The following CCDC6 variants were observed in gnomAD, a reference collection of about 807,000 sequenced individuals.
The protein encoded by CCDC6 is coiled-coil domain containing 6, also known as coiled-coil domain-containing protein 6.
Under a neutral mutation model 56.6 loss-of-function variants are expected in CCDC6, and 20 were observed. That is an observed-to-expected ratio of 0.35 (90% CI 0.25 to 0.51). The LOEUF (loss-of-function observed/expected upper bound fraction) is 0.51. CCDC6 is among the 20% of genes least tolerant of loss of function. The pLI is 0.95. For synonymous variants in CCDC6, 241 were observed against 234.4 expected, an observed-to-expected ratio of 1.03 and a Z score of -0.26; for missense variants, 367 against 601.1, an observed-to-expected ratio of 0.61 and a Z score of 4.07.
At position 59,822,177 on chromosome 10, in the gene CCDC6, C is replaced by T. The variant is rs187058690; in HGVS notation, c.583-7422G>A. Among the ~76,000 whole-genome samples the T allele has an allele frequency of 3.9e-4, 59 of 152,198 alleles. 1 individual carries two copies. Among genetic ancestry groups the T allele is most frequent in the African/African-American group, 1.4e-3 (58 of 41,532 alleles). The stretch of plus-strand genomic sequence containing the variant: ...CTTTTTTCTTCTAAAAAATTATGTT[C>T]CTGTAAGAATTAGATTTGTTCTTTG... On this transcript the variant is annotated intron_variant, in intron 3 of 8. Coordinates refer to ENST00000263102, the MANE Select transcript of CCDC6 (RefSeq NM_005436.5).
intron 1 of CCDC6, among the ~76,000 whole-genome samples, chr10:59,864,414 G>A (rs1343917464): frequency 2.0e-5 from 3 of 152,092 alleles, no homozygotes; most frequent in Non-Finnish European, 2.9e-5. Context: ...ACAAAACAAA[G>A]TTAGCACCTA....
chr10:59,841,025 C>T (rs1564746153), intron 2 of CCDC6, among the ~76,000 whole-genome samples: 1 of 152,148 alleles, frequency 6.6e-6, no homozygotes. Flanking sequence ...TGCTCAAAAC[C>T]CTGTGGTGGC....
chr10:59,818,500 G>GGGT (rs2070726199), intron 3 of CCDC6, among the ~76,000 whole-genome samples: 1 of 142,144 alleles, frequency 7.0e-6, no homozygotes, highest in South Asian at 2.6e-4. Flanking sequence ...GTTGACGGGG[G>GGGT]GGGGGGAAGC....
At chr10:59,850,129 C>T (rs776690803) in intron 2 of CCDC6, among the ~76,000 whole-genome samples, 3 of 152,164 alleles carry the variant, frequency 2.0e-5, no homozygotes, top group Non-Finnish European at 4.4e-5. Flanking sequence ...AGCTTCAGAA[C>T]TTGCCAGAGA....
chr10:59,835,585 T>C (rs1219178241), intron 2 of CCDC6, among the ~76,000 whole-genome samples: 1 of 152,212 alleles, frequency 6.6e-6, no homozygotes, highest in Non-Finnish European at 1.5e-5. Context: ...TCTAACTCTG[T>C]TTGCTAAAGA....
intron 1 of CCDC6, among the ~76,000 whole-genome samples, chr10:59,862,560 T>TAC (rs1194847309): frequency 3.5e-5 from 3 of 86,464 alleles, no homozygotes; most frequent in African/African-American, 1.4e-4. Flanking sequence ...CACACACATA[T>TAC]ATATACACAT....
At chr10:59,837,484 C>T (rs6479657) in intron 2 of CCDC6, among the ~76,000 whole-genome samples, 62,753 of 151,598 alleles carry the variant, frequency 0.41, 13,170 homozygotes, top group African/African-American at 0.49. Context: ...GTGGCTCAAG[C>T]CTGTAATCCC....
chr10:59,789,912 C>T lies in CCDC6; in HGVS notation c.*3005G>A. The T allele has an allele frequency of 4.6e-6, 1 of 217,326 alleles. No individual in the cohort carries two copies. 13.5% of individuals were successfully genotyped at this position (217,326 alleles called of 1,614,324 possible). ...ATTTCTGGTTGAATTCTGTTAGAAG[C>T]CAATTACAAAGGGACAGTAGCACTT... On this transcript the variant is annotated 3_prime_UTR_variant, in exon 9 of 9. Coordinates refer to ENST00000263102, the MANE Select transcript of CCDC6 (RefSeq NM_005436.5).
chr10:59,795,573 T>C (rs976052747), intron 7 of CCDC6, among the ~76,000 whole-genome samples: 4 of 151,656 alleles, frequency 2.6e-5, no homozygotes, highest in African/African-American at 4.8e-5. Context: ...GCTGCACCCA[T>C]TAACTCGTTA....
chr10:59,865,852 CAAAAAAA>C (rs777021321), intron 1 of CCDC6, among the ~76,000 whole-genome samples: 6 of 57,058 alleles, frequency 1.1e-4, no homozygotes, highest in Admixed American at 4.7e-4. Context: ...TCCATCTCCA[CAAAAAAA>C]AAAAAAAAAA....
At chr10:59,870,640 G>T (rs148280370) in intron 1 of CCDC6, among the ~76,000 whole-genome samples, 68 of 152,216 alleles carry the variant, frequency 4.5e-4, no homozygotes, top group Non-Finnish European at 2.6e-4. Context: ...GGTAGGTGGG[G>T]CTATGGGGCT....
Position 59,906,478 on chromosome 10 carries a change from A to T in CCDC6, c.-54T>A. ...GAGCAGCAGGGAGGCGGCGGCGACG[A>T]AGGCCGGGCTGCGAATGAGTGGGCG... On this transcript the variant is annotated 5_prime_UTR_variant, in exon 1 of 9. Coordinates refer to ENST00000263102, the MANE Select transcript of CCDC6 (RefSeq NM_005436.5). 5.7e-6 allele frequency: 8 copies of T among 1,406,838 alleles called. No homozygotes were observed. The highest frequency in any genetic ancestry group is 7.4e-6 in the Non-Finnish European group (8 of 1,084,718). 87.1% of individuals were successfully genotyped at this position (1,406,838 alleles called of 1,614,324 possible).
chr10:59,904,736 C>T (rs981677359), intron 1 of CCDC6, among the ~76,000 whole-genome samples: 2 of 152,212 alleles, frequency 1.3e-5, no homozygotes, highest in African/African-American at 4.8e-5. Context: ...TGGATTTGAG[C>T]ATGAAAAGTT....
intron 2 of CCDC6, among the ~76,000 whole-genome samples, chr10:59,848,054 T>C (rs1316457558): frequency 6.6e-6 from 1 of 152,032 alleles, no homozygotes; most frequent in African/African-American, 2.4e-5. Context: ...GTTTAAATGG[T>C]TCCAGTCTCA....
At chr10:59,869,705 T>C (rs2071211412) in intron 1 of CCDC6, among the ~76,000 whole-genome samples, 1 of 152,220 alleles carries the variant, frequency 6.6e-6, no homozygotes, top group Middle Eastern at 3.4e-3. Context: ...ACCCACAGTT[T>C]TAGAGATGGA....
At chr10:59,860,484 A>AGAAG (rs1455515755) in intron 1 of CCDC6, among the ~76,000 whole-genome samples, 5 of 152,172 alleles carry the variant, frequency 3.3e-5, no homozygotes, top group Admixed American at 6.5e-5. Flanking sequence ...CTAATGCTGA[A>AGAAG]GAAGGGGCCA....
At chr10:59,818,957 A>T (rs565379658) in intron 3 of CCDC6, among the ~76,000 whole-genome samples, 1 of 152,182 alleles carries the variant, frequency 6.6e-6, no homozygotes, top group Non-Finnish European at 1.5e-5. Context: ...TTACTTTGCA[A>T]ACATTTATCC....
rs565898754 is a variant in CCDC6 at position 59,809,330 on chromosome 10, G to GA, written c.848-2253dup. ...ACTTCAGAGAACATTGTCTTTCAAA[G>GA]AAAAAATGGCAATCCTTTAGCATCG... is the stretch of plus-strand genomic sequence containing the variant. On this transcript the variant is annotated intron_variant, in intron 5 of 8. Transcript: ENST00000263102. 4.7e-3 allele frequency among the ~76,000 whole-genome samples: 713 copies of GA among 152,240 alleles called. 10 individuals are homozygous for GA. The highest frequency in any genetic ancestry group is 5.2e-3 in the Non-Finnish European group (357 of 68,008).
At chr10:59,866,094 T>C (rs2071174754) in intron 1 of CCDC6, among the ~76,000 whole-genome samples, 1 of 152,104 alleles carries the variant, frequency 6.6e-6, no homozygotes, top group South Asian at 2.1e-4. Flanking sequence ...CTACAATCAT[T>C]CGATTTCTAA....
Sources: allele counts gnomAD v4.1 joint callset (sites outside exome capture counted in the v4.1 genomes callset), GRCh38; gene constraint gnomAD v4.1.1; transcripts MANE v1.5; gene names NCBI Gene and HGNC (gene_info 2026-07-23, HGNC 2026-07-21).